Variants in PCDHA4 observed in about 807,000 individuals in gnomAD.
PCDHA4 encodes the protein protocadherin alpha 4, also known as protocadherin alpha-4.
A neutral mutation model predicts 61.4 loss-of-function variants in PCDHA4; 49 were observed. The ratio of observed to expected loss-of-function variants is 0.80; its 90% CI spans 0.63 to 1.01. The LOEUF (loss-of-function observed/expected upper bound fraction) is 1.01. Ranked by LOEUF, PCDHA4 falls within the 50% of genes least tolerant of loss-of-function variation. PCDHA4 has a pLI of 0.00. For synonymous variants in PCDHA4, 590 were observed against 550.3 expected (o/e 1.07, Z -1.01); for missense variants, 1,254 against 1,235.8 (o/e 1.01, Z -0.22).
At chr5:140,842,005 G>A (rs1777641474) in intron 1 of PCDHA4, 2 of 1,613,756 alleles carry the variant, frequency 1.2e-6, no homozygotes, top group Non-Finnish European at 1.7e-6. Context: ...CTGTTCAGCT[G>A]CTGGTCACAG....
At chr5:140,941,210 T>TCTTC (rs1480454721) in intron 1 of PCDHA4, among the ~76,000 whole-genome samples, 3 of 100,630 alleles carry the variant, frequency 3.0e-5, no homozygotes, top group Non-Finnish European at 5.7e-5. Context: ...TTCCTTTCTT[T>TCTTC]CTTCCTTTCT....
At chr5:140,961,646 T>C (rs554070301) in intron 1 of PCDHA4, among the ~76,000 whole-genome samples, 19 of 152,328 alleles carry the variant, frequency 1.2e-4, no homozygotes, top group African/African-American at 4.6e-4. Flanking sequence ...TAAGTCTATG[T>C]GGTTAGTTTG....
chr5:140,822,864 A>G, intron 1 of PCDHA4: 1 of 1,614,160 alleles, frequency 6.2e-7, no homozygotes, highest in Non-Finnish European at 8.5e-7. Flanking sequence ...AGGACGCTCC[A>G]CTCAGCACGG....
In PCDHA4 at chr5:140,882,349, T is replaced by G. The variant is rs782020720; in HGVS notation, c.2385+72777T>G. On this transcript the variant is annotated intron_variant, in intron 1 of 3. Transcript: ENST00000530339. ...TGATCCTCGCAGCCTGGGAGACGGG[T>G]AGTGGCCAGCTCCACTACTCCGTCC... 9 of 1,613,872 alleles carry G rather than the reference T, an allele frequency of 5.6e-6. No individual in the cohort carries two copies. The Admixed American group carries it at 1.3e-4, about 24-fold the overall frequency.
intron 1 of PCDHA4, among the ~76,000 whole-genome samples, chr5:140,908,402 T>C (rs2073951162): frequency 6.6e-6 from 1 of 152,166 alleles, no homozygotes; most frequent in Non-Finnish European, 1.5e-5. Flanking sequence ...TATATACCAC[T>C]TCCATTTGAT....
intron 1 of PCDHA4, chr5:140,857,942 A>G: frequency 6.3e-7 from 1 of 1,597,440 alleles, no homozygotes; most frequent in Non-Finnish European, 8.6e-7. Flanking sequence ...CGAGATCAGT[A>G]CGACGCGCGC....
chr5:140,972,241 GC>G (rs1162351861), intron 1 of PCDHA4, among the ~76,000 whole-genome samples: 1 of 151,838 alleles, frequency 6.6e-6, no homozygotes, highest in Non-Finnish European at 1.5e-5. Flanking sequence ...CTGGGCTCAA[GC>G]AATCCTCACA....
At chr5:140,953,126 C>T (rs1284922743) in intron 1 of PCDHA4, among the ~76,000 whole-genome samples, 2 of 152,096 alleles carry the variant, frequency 1.3e-5, no homozygotes, top group African/African-American at 2.4e-5. Flanking sequence ...AGATCTAAAC[C>T]GTATCACTGT....
At chr5:140,862,414 C>T in intron 1 of PCDHA4, 2 of 351,200 alleles carry the variant, frequency 5.7e-6, no homozygotes, top group South Asian at 2.2e-5. Flanking sequence ...CTTCAAAAGG[C>T]GCTGCCCAGA....
intron 1 of PCDHA4, chr5:140,876,086 C>T (rs371336139): frequency 2.5e-6 from 4 of 1,613,778 alleles, no homozygotes; most frequent in East Asian, 2.2e-5. Flanking sequence ...AGAGAGCAAA[C>T]GCCAAAACTC....
chr5:140,839,371 A>G (rs1475600989), intron 1 of PCDHA4, among the ~76,000 whole-genome samples: 2 of 67,948 alleles, frequency 2.9e-5, no homozygotes, highest in Admixed American at 1.8e-4. Context: ...AGCTGTATTC[A>G]TCAATTATTA....
chr5:140,847,831 C>T (rs2150404458), intron 1 of PCDHA4: 1 of 149,692 alleles, frequency 6.7e-6, no homozygotes, highest in East Asian at 1.9e-4. Flanking sequence ...AAGAAAACTA[C>T]CTCAGTTGGT....
At chr5:140,917,324 C>CGGT (rs2078038330) in intron 1 of PCDHA4, among the ~76,000 whole-genome samples, 1 of 76,126 alleles carries the variant, frequency 1.3e-5, no homozygotes, top group Admixed American at 1.5e-4. Flanking sequence ...GTTCATGTGG[C>CGGT]GGGGGAGGGG....
At chr5:140,857,380 G>A (rs138042594) in intron 1 of PCDHA4, 8 of 1,598,488 alleles carry the variant, frequency 5.0e-6, no homozygotes, top group Middle Eastern at 1.7e-4. Flanking sequence ...CTGTGGAGGT[G>A]GCCGACGTGA....
chr5:140,964,600 A>G (rs1322521285), intron 1 of PCDHA4, among the ~76,000 whole-genome samples: 1 of 152,104 alleles, frequency 6.6e-6, no homozygotes, highest in Non-Finnish European at 1.5e-5. Flanking sequence ...TTTCATGACA[A>G]CTTACAACTT....
At chr5:140,828,479 C>T in intron 1 of PCDHA4, 1 of 1,614,204 alleles carries the variant, frequency 6.2e-7, no homozygotes, top group Non-Finnish European at 8.5e-7. Context: ...TAACGACAAC[C>T]CGCCCTTGTT....
chr5:140,986,776 C>G (rs916981139), intron 3 of PCDHA4, among the ~76,000 whole-genome samples: 5 of 152,098 alleles, frequency 3.3e-5, no homozygotes, highest in Non-Finnish European at 7.3e-5. Context: ...AATTAGGTAG[C>G]GGAAGCCACT....
At chr5:140,929,370 C>T in intron 1 of PCDHA4, 1 of 1,515,732 alleles carries the variant, frequency 6.6e-7, no homozygotes, top group Non-Finnish European at 8.8e-7. Flanking sequence ...CCGGAGATGG[C>T]TGCTAGCTGT....
intron 1 of PCDHA4, chr5:140,824,624 T>TTTTTTTTTTTTTTTTTTTTTTTTTG (rs1562279900): frequency 7.6e-6 from 1 of 131,674 alleles, no homozygotes; most frequent in Non-Finnish European, 1.6e-5. Context: ...TTTTTTTTTT[T>TTTTTTTTTTTTTTTTTTTTTTTTTG]TTTTTTTTAT....
Sources: gnomAD v4.1 joint callset for allele counts (sites outside exome capture counted in the v4.1 genomes callset) on GRCh38, gnomAD v4.1.1 for gene constraint, MANE v1.5 for transcripts, NCBI Gene and HGNC (gene_info 2026-07-23, HGNC 2026-07-21) for gene names.